MDGA2: variants seen among roughly 807,000 people sequenced by gnomAD.
MDGA2 encodes the protein MAM domain-containing glycosylphosphatidylinositol anchor protein 2.
Under a neutral mutation model 117.8 loss-of-function variants are expected in MDGA2, and 40 were observed. The observed-to-expected ratio is 0.34, with a 90% confidence interval of 0.26 to 0.44. MDGA2 has a LOEUF of 0.44. Among genes scored for constraint, MDGA2 ranks in the 20% least tolerant of loss-of-function variants. The pLI, the probability that MDGA2 is intolerant of heterozygous loss-of-function variation, is 1.00. For missense variants in MDGA2, 1,123 were observed against 1,250.6 expected (o/e 0.90, Z 1.54); for synonymous variants, 452 against 439.0 (o/e 1.03, Z -0.37).
intron 9 of MDGA2, among the ~76,000 whole-genome samples, chr14:46,945,324 T>C (rs1292579433): frequency 3.9e-5 from 6 of 152,114 alleles, no homozygotes; most frequent in Admixed American, 1.3e-4. Flanking sequence ...AAGTCTTTAC[T>C]CTGACATGGT....
intron 6 of MDGA2, among the ~76,000 whole-genome samples, chr14:47,067,780 TTTGAG>T (rs1315042958): frequency 6.6e-5 from 10 of 152,300 alleles, no homozygotes; most frequent in African/African-American, 1.7e-4. Flanking sequence ...GAAATAATAA[TTTGAG>T]TTAATTTATT....
chr14:47,020,124 A>T (rs1030937543), intron 8 of MDGA2, among the ~76,000 whole-genome samples: 3 of 123,632 alleles, frequency 2.4e-5, no homozygotes, highest in Non-Finnish European at 5.3e-5. Context: ...GTGTCAACAA[A>T]GAGAATGTAA....
At chr14:47,035,366 A>G (rs2138648994) in intron 7 of MDGA2, 62 bp from the exon 8 acceptor site, 1 of 1,332,844 alleles carries the variant, frequency 7.5e-7, no homozygotes, top group East Asian at 2.3e-5. Flanking sequence ...ATATTCAGAT[A>G]CAGAAAATCA....
rs553928363 is a variant in MDGA2, at chr14:47,501,656, C to T, written c.280+172861G>A. On this transcript the variant is annotated intron_variant, in intron 1 of 16. Transcript: ENST00000399232. ...TAGAGTGGGCCTTTATCCAGTATGA[C>T]TGATGTCATAAAGGGAAAGATCTGG... 1.1e-3 allele frequency among the ~76,000 whole-genome samples: 163 copies of T among 152,190 alleles called. 3 individuals carry two copies. Among genetic ancestry groups the T allele is most frequent in the Non-Finnish European group, 8.7e-4 (59 of 68,006 alleles).
intron 1 of MDGA2, among the ~76,000 whole-genome samples, chr14:47,604,942 C>T (rs1896714749): frequency 6.6e-6 from 1 of 152,076 alleles, no homozygotes; most frequent in Non-Finnish European, 1.5e-5. Flanking sequence ...ACAAGCAAGA[C>T]CAGCAGAAGA....
chr14:47,561,171 G>GTTTTTTTTTTTTTTTTTTTT (rs1594918273), intron 1 of MDGA2, among the ~76,000 whole-genome samples: 15 of 68,470 alleles, frequency 2.2e-4, no homozygotes, highest in Non-Finnish European at 3.9e-4. Context: ...TTGTTTTTTT[G>GTTTTTTTTTTTTTTTTTTTT]TTTGTTTGTT....
At chr14:47,015,988 T>G (rs1463947996) in intron 8 of MDGA2, among the ~76,000 whole-genome samples, 1 of 152,106 alleles carries the variant, frequency 6.6e-6, no homozygotes, top group African/African-American at 2.4e-5. Context: ...GTGGCACCAG[T>G]AAAGCATTAC....
intron 2 of MDGA2, among the ~76,000 whole-genome samples, chr14:47,236,147 C>T (rs972100118): frequency 2.0e-5 from 3 of 151,844 alleles, no homozygotes; most frequent in Middle Eastern, 3.2e-3. Flanking sequence ...AAAAATTAGC[C>T]GGGCATAGTG....
At chr14:47,312,078 G>C (rs184518725) in intron 1 of MDGA2, among the ~76,000 whole-genome samples, 112 of 152,192 alleles carry the variant, frequency 7.4e-4, no homozygotes, top group African/African-American at 2.6e-3. Context: ...GCAATTATTA[G>C]TACATATTAC....
At chr14:47,139,640 A>T (rs1319177075) in intron 4 of MDGA2, among the ~76,000 whole-genome samples, 1 of 151,584 alleles carries the variant, frequency 6.6e-6, no homozygotes, top group Non-Finnish European at 1.5e-5. Flanking sequence ...AAGTGCTCCA[A>T]TACAAACAAT....
intron 3 of MDGA2, among the ~76,000 whole-genome samples, chr14:47,155,885 C>CTTT (rs1883353082): frequency 3.7e-5 from 3 of 80,406 alleles, no homozygotes; most frequent in African/African-American, 4.4e-5. Flanking sequence ...TCTTCTTCTT[C>CTTT]TTCTTTTTTT....
chr14:47,160,522 G>A (rs1883590176), intron 3 of MDGA2, among the ~76,000 whole-genome samples: 1 of 152,042 alleles, frequency 6.6e-6, no homozygotes, highest in African/African-American at 2.4e-5. Context: ...AAATTAGCTG[G>A]GCATGGTGCA....
At chr14:47,019,761 G>A (rs754736892) in intron 8 of MDGA2, among the ~76,000 whole-genome samples, 1 of 151,194 alleles carries the variant, frequency 6.6e-6, no homozygotes, top group South Asian at 2.1e-4. Flanking sequence ...GGAGAATGAC[G>A]TGAACCCGGG....
intron 1 of MDGA2, among the ~76,000 whole-genome samples, chr14:47,600,738 T>G (rs1195046386): frequency 1.5e-5 from 2 of 135,468 alleles, no homozygotes; most frequent in African/African-American, 3.4e-5. Flanking sequence ...AAAAAAAAAG[T>G]AGGGAAGAGT....
At chr14:47,504,621 C>A (rs529196152) in intron 1 of MDGA2, among the ~76,000 whole-genome samples, 1 of 151,838 alleles carries the variant, frequency 6.6e-6, no homozygotes, top group Non-Finnish European at 1.5e-5. Context: ...GAGGGAAATG[C>A]AAATCAACAC....
intron 1 of MDGA2, among the ~76,000 whole-genome samples, chr14:47,467,452 T>C (rs868747138): frequency 1.3e-5 from 2 of 152,260 alleles, no homozygotes; most frequent in African/African-American, 4.8e-5. Context: ...GGAAGGAGAC[T>C]GTCACCTTTC....
chr14:47,527,591 G>A (rs1406736929), intron 1 of MDGA2, among the ~76,000 whole-genome samples: 1 of 152,186 alleles, frequency 6.6e-6, no homozygotes, highest in South Asian at 2.1e-4. Context: ...GTGATGTGGC[G>A]TGAGGTTGGG....
intron 8 of MDGA2, among the ~76,000 whole-genome samples, chr14:46,997,757 T>C (rs1887349470): frequency 6.6e-6 from 1 of 152,184 alleles, no homozygotes; most frequent in Non-Finnish European, 1.5e-5. Flanking sequence ...CTACATTTTG[T>C]ACCAAATAAG....
intron 2 of MDGA2, among the ~76,000 whole-genome samples, chr14:47,258,602 G>A (rs1289785731): frequency 1.3e-5 from 2 of 151,928 alleles, no homozygotes; most frequent in Non-Finnish European, 2.9e-5. Context: ...GGAAAATGTA[G>A]GTTTTTTGAG....
Sources: gnomAD v4.1 joint callset for allele counts (sites outside exome capture counted in the v4.1 genomes callset) on GRCh38, gnomAD v4.1.1 for gene constraint, MANE v1.5 for transcripts, NCBI Gene and HGNC (gene_info 2026-07-23, HGNC 2026-07-21) for gene names.